The following MGAT4C variants were observed in gnomAD, a reference collection of about 807,000 sequenced individuals.
MGAT4C encodes the protein alpha-1,3-mannosyl-glycoprotein 4-beta-N-acetylglucosaminyltransferase C.
MGAT4C carries 19 observed loss-of-function variants against 40.1 expected under a neutral mutation model. The observed-to-expected ratio is 0.47, with a 90% CI of 0.33 to 0.70. The LOEUF (loss-of-function observed/expected upper bound fraction) is 0.70, where lower values mean the gene tolerates loss of function less well. Ranked by LOEUF, MGAT4C falls within the 30% of genes least tolerant of loss-of-function variation. The pLI is 0.02. For missense variants in MGAT4C, 491 were observed against 563.2 expected (o/e 0.87, Z 1.30); for synonymous variants, 181 against 187.1 (o/e 0.97, Z 0.27).
At chr12:86,497,768 A>T (rs1424413994) in intron 2 of MGAT4C, among the ~76,000 whole-genome samples, 1 of 149,966 alleles carries the variant, frequency 6.7e-6, no homozygotes, top group Non-Finnish European at 1.5e-5. Context: ...ATTTCCAATT[A>T]GCATGGTGAT....
chr12:86,076,053 GCT>G (rs768682809), intron 1 of MGAT4C, among the ~76,000 whole-genome samples: 9 of 152,284 alleles, frequency 5.9e-5, no homozygotes, highest in Middle Eastern at 3.4e-3. Flanking sequence ...GAACTTTTGT[GCT>G]CTGTTTCCCT....
chr12:86,676,791 A>G (rs1964410715), intron 2 of MGAT4C, among the ~76,000 whole-genome samples: 2 of 152,138 alleles, frequency 1.3e-5, no homozygotes, highest in South Asian at 4.1e-4. Flanking sequence ...TCTGAGCCAG[A>G]AGAGAACAAG....
chr12:86,388,732 A>AGTGCAGT (rs1956110952), intron 3 of MGAT4C, among the ~76,000 whole-genome samples: 1 of 127,516 alleles, frequency 7.8e-6, no homozygotes, highest in Admixed American at 9.2e-5. Flanking sequence ...CCCAGGCTGG[A>AGTGCAGT]GTGCAGTGGT....
In MGAT4C at chr12:86,035,408, C is replaced by T. The variant is rs190588968; in HGVS notation, c.-7+14266G>A. Among the ~76,000 whole-genome samples, 154 of 150,224 alleles carry T rather than the reference C, an allele frequency of 1.0e-3. 12 individuals are homozygous for T. Among genetic ancestry groups the T allele is most frequent in the Admixed American group, 2.2e-3 (33 of 15,014 alleles). ...GAGAAGTGTCTGTTCATATCCTTCA[C>T]GCACTTTTTGATGGGGTTGTTTTTT... On this transcript the variant is annotated intron_variant, in intron 2 of 4. Coordinates refer to ENST00000611864, the MANE Select transcript of MGAT4C (RefSeq NM_001351288.2).
chr12:86,711,379 G>A (rs1364441539), intron 2 of MGAT4C, among the ~76,000 whole-genome samples: 1 of 151,890 alleles, frequency 6.6e-6, no homozygotes, highest in Non-Finnish European at 1.5e-5. Context: ...TTGAACATTA[G>A]GAACCAACAC....
intron 3 of MGAT4C, among the ~76,000 whole-genome samples, chr12:86,334,809 C>T (rs974693813): frequency 2.0e-5 from 3 of 152,046 alleles, no homozygotes; most frequent in African/African-American, 7.2e-5. Flanking sequence ...TATAGTGTTA[C>T]TTGATTTGCA....
At chr12:86,353,185 T>C (rs1265236859) in intron 3 of MGAT4C, among the ~76,000 whole-genome samples, 3 of 152,082 alleles carry the variant, frequency 2.0e-5, no homozygotes, top group Non-Finnish European at 2.9e-5. Context: ...TCAATGCTTA[T>C]CTCCTCTACA....
chr12:86,306,116 A>G (rs1041532814), intron 4 of MGAT4C, among the ~76,000 whole-genome samples: 5 of 150,532 alleles, frequency 3.3e-5, no homozygotes, highest in South Asian at 2.1e-4. Context: ...AAAGAATACA[A>G]TTAGAGATTA....
At chr12:86,077,625 G>A in intron 1 of MGAT4C, among the ~76,000 whole-genome samples, 1 of 152,142 alleles carries the variant, frequency 6.6e-6, no homozygotes. Context: ...TTTGCCTTCA[G>A]CAAGCACCTC....
intron 1 of MGAT4C, among the ~76,000 whole-genome samples, chr12:86,789,896 G>A (rs1012989314): frequency 1.3e-5 from 2 of 152,102 alleles, no homozygotes; most frequent in Non-Finnish European, 2.9e-5. Context: ...ACACAGAGAG[G>A]TTAATTCACT....
chr12:86,012,981 A>T (rs898392089), intron 2 of MGAT4C, among the ~76,000 whole-genome samples: 5 of 146,878 alleles, frequency 3.4e-5, no homozygotes, highest in East Asian at 2.0e-4. Flanking sequence ...AAAAAAAAAA[A>T]TTAGCCACGG....
intron 3 of MGAT4C, among the ~76,000 whole-genome samples, chr12:86,356,758 G>A (rs1955322013): frequency 1.5e-5 from 2 of 131,098 alleles, no homozygotes; most frequent in Admixed American, 8.2e-5. Flanking sequence ...CTGCAAGGTG[G>A]CAGTGAGGCT....
Position 85,963,516 on chromosome 12 carries a change from G to A in MGAT4C, c.*15773C>T, listed in dbSNP as rs1883216674. On this transcript the variant is annotated 3_prime_UTR_variant, in exon 5 of 5. Transcript: ENST00000611864. ...AAGATCTGCTAAAGATTATGCTTGG[G>A]TTTGCCATGAATCATAAATACCAAG... The A allele has an allele frequency of 6.6e-6, 1 of 151,852 alleles. No homozygotes were observed. The highest frequency in any genetic ancestry group is 1.5e-5 in the Non-Finnish European group (1 of 67,862). The allele number at this position is 151,852 out of a possible 1,614,324, so 9.4% of individuals were successfully genotyped here.
chr12:86,285,982 A>G (rs1276286241), intron 4 of MGAT4C, among the ~76,000 whole-genome samples: 1 of 152,060 alleles, frequency 6.6e-6, no homozygotes, highest in Non-Finnish European at 1.5e-5. Context: ...AAGAAATACA[A>G]CAAACCAGAA....
At chr12:86,692,593 G>A (rs1437622017) in intron 2 of MGAT4C, among the ~76,000 whole-genome samples, 4 of 152,104 alleles carry the variant, frequency 2.6e-5, no homozygotes, top group African/African-American at 9.7e-5. Context: ...GATGAAAATA[G>A]TCACAGAGGT....
chr12:86,647,738 T>G (rs1963582367), intron 2 of MGAT4C, among the ~76,000 whole-genome samples: 1 of 151,890 alleles, frequency 6.6e-6, no homozygotes, highest in African/African-American at 2.4e-5. Flanking sequence ...AAATTCTACA[T>G]GTCAAGAACA....
chr12:86,062,186 G>C (rs1894052629), intron 1 of MGAT4C, among the ~76,000 whole-genome samples: 2 of 152,178 alleles, frequency 1.3e-5, no homozygotes. Flanking sequence ...GTAACAGGCA[G>C]CAATCTTTGC....
intron 2 of MGAT4C, among the ~76,000 whole-genome samples, chr12:86,566,078 G>A (rs1267935209): frequency 6.6e-6 from 1 of 152,126 alleles, no homozygotes; most frequent in Non-Finnish European, 1.5e-5. Context: ...TTCTATCACG[G>A]AAAGGGCAGC....
chr12:86,623,617 C>A (rs1962708586), intron 2 of MGAT4C, among the ~76,000 whole-genome samples: 2 of 151,852 alleles, frequency 1.3e-5, no homozygotes, highest in African/African-American at 4.8e-5. Flanking sequence ...AAATATCTTT[C>A]AAAAATACAT....
Sources: allele counts gnomAD v4.1 joint callset (sites outside exome capture counted in the v4.1 genomes callset), GRCh38; gene constraint gnomAD v4.1.1; transcripts MANE v1.5; gene names NCBI Gene and HGNC (gene_info 2026-07-23, HGNC 2026-07-21).